The following CACHD1 variants were observed in gnomAD, a reference collection of about 807,000 sequenced individuals.
CACHD1 encodes cache domain containing 1.
In CACHD1, 71 loss-of-function variants were observed where a neutral mutation model predicts 138.7. That is an observed-to-expected ratio of 0.51 (90% CI 0.42 to 0.62). The LOEUF (loss-of-function observed/expected upper bound fraction) is 0.62, where lower values mean the gene tolerates loss of function less well. CACHD1 is among the 20% of genes least tolerant of loss of function. CACHD1 has a pLI of 0.00. For synonymous variants in CACHD1, 578 were observed against 591.5 expected (o/e 0.98, Z 0.33); for missense variants, 1,389 against 1,625.3 (o/e 0.85, Z 2.50).
chr1:64,571,248 T>C (rs1424080118), intron 2 of CACHD1, among the ~76,000 whole-genome samples: 1 of 152,210 alleles, frequency 6.6e-6, no homozygotes, highest in Non-Finnish European at 1.5e-5. Context: ...TTTCTTTCCT[T>C]AGTTTTAAAA....
intron 6 of CACHD1, among the ~76,000 whole-genome samples, chr1:64,633,034 T>C (rs1648369576): frequency 6.6e-6 from 1 of 152,240 alleles, no homozygotes; most frequent in Non-Finnish European, 1.5e-5. Flanking sequence ...GTAGAATTTA[T>C]TGAATACAGT....
At position 64,671,663 on chromosome 1, in the gene CACHD1, C is replaced by T; in HGVS notation, c.2487C>T (p.Asn829=). The change falls in exon 17 of 27, where the codon AAC becomes AAT. Residue 829 remains asparagine, a synonymous_variant. Coordinates refer to ENST00000651257, the MANE Select transcript of CACHD1 (RefSeq NM_020925.4). ...KVLMDLLPVC[N]QDGGNKIRCF... Reference sequence around the variant, plus strand: ...TGATGGACCTATTACCTGTCTGTAACCAAGATGGTGGCAACAAAATAAGGT... The same window carrying T: ...TGATGGACCTATTACCTGTCTGTAATCAAGATGGTGGCAACAAAATAAGGT... The T allele has an allele frequency of 6.2e-7, 1 of 1,613,986 alleles. No homozygotes were observed. Among genetic ancestry groups the T allele is most frequent in the Non-Finnish European group, 8.5e-7 (1 of 1,179,942 alleles).
chr1:64,635,439 GATC>G (rs1648490654), intron 7 of CACHD1, among the ~76,000 whole-genome samples: 1 of 141,428 alleles, frequency 7.1e-6, no homozygotes, highest in Non-Finnish European at 1.5e-5. Flanking sequence ...CCTGGAGTGT[GATC>G]GCGCAATCCC....
intron 2 of CACHD1, among the ~76,000 whole-genome samples, chr1:64,559,796 G>A (rs540242202): frequency 2.0e-5 from 3 of 152,140 alleles, no homozygotes; most frequent in Non-Finnish European, 2.9e-5. Flanking sequence ...TTTTCTCTGC[G>A]AGCAGGTTTT....
At chr1:64,536,734 G>T (rs150145274) in intron 1 of CACHD1, among the ~76,000 whole-genome samples, 1 of 152,302 alleles carries the variant, frequency 6.6e-6, no homozygotes, top group African/African-American at 2.4e-5. Context: ...ATGTATGGGT[G>T]ATTAACACTG....
At chr1:64,636,752 C>T (rs1247590142) in intron 7 of CACHD1, among the ~76,000 whole-genome samples, 5 of 152,162 alleles carry the variant, frequency 3.3e-5, no homozygotes, top group South Asian at 2.1e-4. Context: ...AATCAGATTA[C>T]TCTCGCTTGT....
chr1:64,522,465 G>A (rs913331987), intron 1 of CACHD1, among the ~76,000 whole-genome samples: 2 of 151,928 alleles, frequency 1.3e-5, no homozygotes, highest in Admixed American at 6.6e-5. Context: ...ATGCAACCAC[G>A]ACCGGCTAAA....
chr1:64,659,346 T>C (rs1649368952), intron 13 of CACHD1, among the ~76,000 whole-genome samples: 1 of 152,024 alleles, frequency 6.6e-6, no homozygotes, highest in African/African-American at 2.4e-5. Flanking sequence ...GAGGCACAGA[T>C]ACAGCCCATT....
At chr1:64,488,033 C>A (rs567819393) in intron 1 of CACHD1, among the ~76,000 whole-genome samples, 187 of 152,154 alleles carry the variant, frequency 1.2e-3, no homozygotes, top group African/African-American at 4.5e-3. Flanking sequence ...TCTGTTTGTC[C>A]ATCTCTAATT....
intron 4 of CACHD1, among the ~76,000 whole-genome samples, chr1:64,627,765 A>G (rs1294257362): frequency 1.3e-5 from 2 of 152,190 alleles, no homozygotes; most frequent in Non-Finnish European, 2.9e-5. Flanking sequence ...TATGTTCAAG[A>G]CATGATCTTA....
At chr1:64,558,852 C>T (rs1385225339) in intron 2 of CACHD1, among the ~76,000 whole-genome samples, 2 of 152,136 alleles carry the variant, frequency 1.3e-5, no homozygotes, top group African/African-American at 4.8e-5. Context: ...ACAGACACTT[C>T]TCAAAAGAAG....
chr1:64,611,328 G>T (rs983930614), intron 4 of CACHD1, among the ~76,000 whole-genome samples: 1 of 152,124 alleles, frequency 6.6e-6, no homozygotes, highest in Non-Finnish European at 1.5e-5. Flanking sequence ...CAGGAAATGG[G>T]TTTTTCTTTT....
chr1:64,541,977 C>T (rs1570349595), intron 1 of CACHD1, among the ~76,000 whole-genome samples: 1 of 146,294 alleles, frequency 6.8e-6, no homozygotes, highest in African/African-American at 2.6e-5. Context: ...TAATAGTAGA[C>T]TATCATAGAA....
chr1:64,690,630 G>C (rs983803156), intron 26 of CACHD1, among the ~76,000 whole-genome samples: 2 of 152,208 alleles, frequency 1.3e-5, no homozygotes, highest in African/African-American at 2.4e-5. Context: ...TGTGGAGTTA[G>C]TGTTTCATTA....
intron 2 of CACHD1, 82 bp from the exon 3 acceptor site, chr1:64,582,074 C>T (rs1053712946): frequency 2.0e-5 from 29 of 1,440,908 alleles, no homozygotes; most frequent in Admixed American, 1.1e-4. Context: ...GCTTGTGACA[C>T]AGATTACTAG....
At chr1:64,472,305 T>C (rs893000412) in intron 1 of CACHD1, among the ~76,000 whole-genome samples, 34 of 149,704 alleles carry the variant, frequency 2.3e-4, no homozygotes, top group African/African-American at 8.7e-4. Context: ...TCCTTCCTCT[T>C]CTTTCCACTT....
chr1:64,540,748 C>T (rs1646671280), intron 1 of CACHD1, among the ~76,000 whole-genome samples: 1 of 152,178 alleles, frequency 6.6e-6, no homozygotes. Context: ...CCTGCTAAAT[C>T]AGAGTGCAGG....
intron 6 of CACHD1, among the ~76,000 whole-genome samples, chr1:64,633,765 T>C (rs1557529797): frequency 6.6e-6 from 1 of 152,248 alleles, no homozygotes; most frequent in Admixed American, 6.5e-5. Context: ...TTTCTCTGCA[T>C]AAAATAGTTT....
At chr1:64,672,495 G>A (rs889671902) in intron 17 of CACHD1, among the ~76,000 whole-genome samples, 12 of 152,006 alleles carry the variant, frequency 7.9e-5, no homozygotes, top group Non-Finnish European at 1.2e-4. Flanking sequence ...TTTTATTACT[G>A]TTATAATTGT....
Sources: allele counts gnomAD v4.1 joint callset (sites outside exome capture counted in the v4.1 genomes callset), GRCh38; gene constraint gnomAD v4.1.1; transcripts MANE v1.5; gene names NCBI Gene and HGNC (gene_info 2026-07-23, HGNC 2026-07-21).